The following SPON1 variants were observed in gnomAD, a reference collection of about 807,000 sequenced individuals.
SPON1 encodes the protein spondin-1.
In SPON1, 52 loss-of-function variants were observed where a neutral mutation model predicts 111.7. The ratio of observed to expected loss-of-function variants is 0.47; its 90% CI spans 0.37 to 0.59. SPON1 has a LOEUF of 0.59. Among genes scored for constraint, SPON1 ranks in the 20% least tolerant of loss-of-function variants. The pLI, the probability that SPON1 is intolerant of heterozygous loss-of-function variation, is 0.00. For synonymous variants in SPON1, 410 were observed against 395.8 expected (o/e 1.04, Z -0.43); for missense variants, 957 against 1,068.5 (o/e 0.90, Z 1.46).
At chr11:14,060,178 T>C (rs1339166567) in intron 3 of SPON1, among the ~76,000 whole-genome samples, 2 of 152,226 alleles carry the variant, frequency 1.3e-5, no homozygotes, top group African/African-American at 4.8e-5. Context: ...GTGATTTGAA[T>C]TGGATCACAC....
At chr11:14,091,012 G>C (rs1554923264) in intron 5 of SPON1, among the ~76,000 whole-genome samples, 1 of 152,002 alleles carries the variant, frequency 6.6e-6, no homozygotes, top group African/African-American at 2.4e-5. Flanking sequence ...AGAGCAGCTA[G>C]ACACAGCGTG....
chr11:14,235,120 TCCTCCAGCG>T (rs1280996237), intron 6 of SPON1, among the ~76,000 whole-genome samples: 8 of 152,162 alleles, frequency 5.3e-5, no homozygotes, highest in African/African-American at 1.9e-4. Context: ...CTCTCACTGC[TCCTCCAGCG>T]CCTCCAGCTG....
chr11:14,138,253 A>G (rs1181395609), intron 6 of SPON1, among the ~76,000 whole-genome samples: 6 of 152,222 alleles, frequency 3.9e-5, no homozygotes, highest in African/African-American at 9.6e-5. Context: ...TTTCAAGGGC[A>G]TGAAGAATCA....
chr11:14,012,597 A>C (rs1383187115), intron 2 of SPON1, among the ~76,000 whole-genome samples: 4 of 152,182 alleles, frequency 2.6e-5, no homozygotes, highest in African/African-American at 7.2e-5. Context: ...CCGATTTGGC[A>C]AAAACAGACT....
intron 6 of SPON1, among the ~76,000 whole-genome samples, chr11:14,215,849 C>T (rs914333235): frequency 6.6e-6 from 1 of 152,198 alleles, no homozygotes; most frequent in African/African-American, 2.4e-5. Flanking sequence ...ATATCTGGAT[C>T]CAGCATGCTT....
At chr11:14,050,008 G>A (rs1848696559) in intron 3 of SPON1, among the ~76,000 whole-genome samples, 2 of 120,178 alleles carry the variant, frequency 1.7e-5, no homozygotes, top group Non-Finnish European at 4.0e-5. Flanking sequence ...ATTCAGTAAT[G>A]GAAGCATCAC....
chr11:14,162,608 A>G (rs10832222), intron 6 of SPON1, among the ~76,000 whole-genome samples: 58,935 of 151,358 alleles, frequency 0.39, 11,547 homozygotes, highest in East Asian at 0.54. Flanking sequence ...TCACCTAATT[A>G]TACATTATTT....
Position 14,167,276 on chromosome 11 carries a change from A to AT in SPON1, c.825+31717dup, listed in dbSNP as rs1258124611. ...AGGCTAGAAAGAGACATAATTTATA[A>AT]TTTTTTTTTGGAAAGTTGTCAGATA... On this transcript the variant is annotated intron_variant, in intron 6 of 15. Transcript: ENST00000576479. 1.3e-4 allele frequency among the ~76,000 whole-genome samples: 19 copies of AT among 151,604 alleles called. 1 individual carries two copies. In the South Asian group the frequency reaches 1.7e-3, roughly 13 times the overall value.
At chr11:14,256,908 C>A (rs1849115295) in intron 10 of SPON1, among the ~76,000 whole-genome samples, 1 of 152,202 alleles carries the variant, frequency 6.6e-6, no homozygotes, top group Non-Finnish European at 1.5e-5. Context: ...AATATATACT[C>A]AACAACATCA....
At chr11:13,987,260 C>G (rs1266725516) in intron 2 of SPON1, among the ~76,000 whole-genome samples, 1 of 152,202 alleles carries the variant, frequency 6.6e-6, no homozygotes, top group Non-Finnish European at 1.5e-5. Context: ...ACCATTCTAA[C>G]TGGCGTGAGA....
chr11:14,262,983 T>A lies in SPON1; in HGVS notation c.2260+8T>A. On this transcript the variant is annotated splice_region_variant and intron_variant, in intron 15 of 15. Transcript: ENST00000576479. ...AAGGGGAGCAGTTCCCAGGTATGGC[T>A]CCCAAGTGTCAGCCTGGGTGGTCTC... is the stretch of plus-strand genomic sequence containing the variant. 1 of 1,608,286 alleles carries A rather than the reference T, an allele frequency of 6.2e-7. No individual in the cohort carries two copies. The highest frequency in any genetic ancestry group is 1.1e-5 in the South Asian group (1 of 90,878).
chr11:14,253,369 A>G (rs1849072534), intron 7 of SPON1, among the ~76,000 whole-genome samples: 1 of 152,252 alleles, frequency 6.6e-6, no homozygotes, highest in Non-Finnish European at 1.5e-5. Context: ...CTCATTTGAA[A>G]TTCACAGGAA....
At position 14,156,446 on chromosome 11, in the gene SPON1, C is replaced by T. The variant is rs538251077; in HGVS notation, c.825+20878C>T. On this transcript the variant is annotated intron_variant, in intron 6 of 15. Coordinates refer to ENST00000576479, the MANE Select transcript of SPON1 (RefSeq NM_006108.4). ...AAATTTTCTCCCATTCTGTAGGTTG[C>T]CTGTTCACTCTGATGGTAGTTTCTT... Among the ~76,000 whole-genome samples the T allele has an allele frequency of 1.9e-4, 27 of 144,698 alleles. No homozygotes were observed. The East Asian group carries it at 5.5e-3, about 29-fold the overall frequency. 94.9% of individuals were successfully genotyped at this position (144,698 alleles called of 152,430 possible). A position where few individuals can be genotyped will look rare whatever the true frequency, so the allele number is the denominator to read the frequency against.
chr11:14,230,044 CCT>C (rs1269478098), intron 6 of SPON1, among the ~76,000 whole-genome samples: 2 of 151,676 alleles, frequency 1.3e-5, no homozygotes, highest in African/African-American at 4.9e-5. Context: ...CAAAATTTCT[CCT>C]GTCATCTCCC....
intron 7 of SPON1, among the ~76,000 whole-genome samples, chr11:14,250,158 A>G (rs1364126358): frequency 2.0e-5 from 3 of 152,230 alleles, no homozygotes; most frequent in African/African-American, 7.2e-5. Context: ...CACTCAATGG[A>G]GACATTTTTT....
intron 1 of SPON1, among the ~76,000 whole-genome samples, chr11:13,965,799 T>C (rs1398120989): frequency 1.3e-5 from 2 of 152,242 alleles, no homozygotes; most frequent in East Asian, 1.9e-4. Flanking sequence ...AGAATAATTA[T>C]GTTAAAAGTA....
At chr11:14,016,531 C>G (rs1554914301) in intron 2 of SPON1, among the ~76,000 whole-genome samples, 2 of 152,100 alleles carry the variant, frequency 1.3e-5, no homozygotes, top group African/African-American at 4.8e-5. Context: ...GTCAACTGAA[C>G]ATACTATTCG....
intron 6 of SPON1, among the ~76,000 whole-genome samples, chr11:14,233,890 G>A (rs1271868477): frequency 2.0e-5 from 3 of 149,830 alleles, no homozygotes; most frequent in Non-Finnish European, 4.4e-5. Flanking sequence ...AGCCTCCCAA[G>A]TAGCTGGGAT....
intron 6 of SPON1, among the ~76,000 whole-genome samples, chr11:14,187,457 C>T (rs1848297199): frequency 6.6e-6 from 1 of 152,126 alleles, no homozygotes; most frequent in African/African-American, 2.4e-5. Context: ...ATCGTTAGTA[C>T]CCTTGGATAG....
Sources: gnomAD v4.1 joint callset for allele counts (sites outside exome capture counted in the v4.1 genomes callset) on GRCh38, gnomAD v4.1.1 for gene constraint, MANE v1.5 for transcripts, NCBI Gene and HGNC (gene_info 2026-07-23, HGNC 2026-07-21) for gene names.